The following NEGR1 variants were observed in gnomAD, a reference collection of about 807,000 sequenced individuals.
NEGR1 encodes IgLON family member 4.
Under a neutral mutation model 40.9 loss-of-function variants are expected in NEGR1, and 10 were observed. The observed-to-expected ratio is 0.24, with a 90% CI of 0.15 to 0.42. The LOEUF (loss-of-function observed/expected upper bound fraction) is 0.42. Among genes scored for constraint, NEGR1 ranks in the 10% least tolerant of loss-of-function variants. The probability of loss-of-function intolerance (pLI) is 1.00; values close to 1 mark genes in which losing one functional copy is unlikely to be tolerated. For synonymous variants in NEGR1, 185 were observed against 166.8 expected (o/e 1.11, Z -0.84); for missense variants, 352 against 438.9 (o/e 0.80, Z 1.77).
intron 2 of NEGR1, among the ~76,000 whole-genome samples, chr1:71,925,802 A>G (rs1010641399): frequency 6.6e-6 from 1 of 152,188 alleles, no homozygotes; most frequent in Non-Finnish European, 1.5e-5. Context: ...TTATTTCACC[A>G]GACATAGGTT....
intron 1 of NEGR1, among the ~76,000 whole-genome samples, chr1:72,031,747 C>T (rs1646860649): frequency 6.6e-6 from 1 of 152,038 alleles, no homozygotes; most frequent in Non-Finnish European, 1.5e-5. Flanking sequence ...CCCAGATGTA[C>T]ACAGAGGGGA....
chr1:72,139,627 T>C (rs1281273088), intron 1 of NEGR1, among the ~76,000 whole-genome samples: 4 of 151,926 alleles, frequency 2.6e-5, no homozygotes, highest in Non-Finnish European at 5.9e-5. Context: ...ACAAAGCACA[T>C]ACTGTAAAAA....
intron 1 of NEGR1, among the ~76,000 whole-genome samples, chr1:72,042,813 A>G (rs1646967854): frequency 6.6e-6 from 1 of 152,042 alleles, no homozygotes; most frequent in African/African-American, 2.4e-5. Context: ...AAATATTACC[A>G]GGATGCTTTT....
chr1:72,059,624 T>C (rs1011734814), intron 1 of NEGR1, among the ~76,000 whole-genome samples: 3 of 151,616 alleles, frequency 2.0e-5, no homozygotes, highest in African/African-American at 7.2e-5. Flanking sequence ...TAAAGAGATT[T>C]TAATAGTTTA....
At chr1:71,898,799 G>A (rs1277888041) in intron 2 of NEGR1, among the ~76,000 whole-genome samples, 2 of 146,902 alleles carry the variant, frequency 1.4e-5, no homozygotes, top group African/African-American at 5.0e-5. Context: ...AACAGAGCAA[G>A]TATATGTATA....
intron 1 of NEGR1, among the ~76,000 whole-genome samples, chr1:72,049,748 C>T (rs1357617479): frequency 1.3e-5 from 2 of 151,516 alleles, no homozygotes; most frequent in African/African-American, 4.8e-5. Flanking sequence ...CCATTTTTTA[C>T]TCATCTTTGT....
chr1:71,538,958 T>C (rs1647598181), intron 6 of NEGR1, among the ~76,000 whole-genome samples: 1 of 151,732 alleles, frequency 6.6e-6, no homozygotes, highest in Admixed American at 6.6e-5. Flanking sequence ...TTATAATAGT[T>C]GGTTCAAATA....
At chr1:72,090,829 G>A (rs1411835065) in intron 1 of NEGR1, among the ~76,000 whole-genome samples, 1 of 152,054 alleles carries the variant, frequency 6.6e-6, no homozygotes, top group Non-Finnish European at 1.5e-5. Context: ...GTGCCCTCTA[G>A]ACCTAGTTTT....
In NEGR1 at chr1:72,271,199, G is replaced by A. The variant is rs116305881; in HGVS notation, c.176+11120C>T. 5.2e-3 allele frequency among the ~76,000 whole-genome samples: 787 copies of A among 151,942 alleles called. 3 individuals are homozygous for A. The highest frequency in any genetic ancestry group is 0.018 in the African/African-American group (759 of 41,490). ...TGCAAATAAGCAAAAGCAACTTCAC[G>A]TCTAGAATTAATAATTGTTGAACAA... On this transcript the variant is annotated intron_variant, in intron 1 of 6. Coordinates refer to ENST00000357731, the MANE Select transcript of NEGR1 (RefSeq NM_173808.3).
chr1:72,173,085 C>T (rs1011098878), intron 1 of NEGR1, among the ~76,000 whole-genome samples: 2 of 151,788 alleles, frequency 1.3e-5, no homozygotes, highest in South Asian at 2.1e-4. Flanking sequence ...TGGCTCACTG[C>T]AGCCTGGACC....
At chr1:72,097,599 C>T (rs1648751376) in intron 1 of NEGR1, among the ~76,000 whole-genome samples, 1 of 152,106 alleles carries the variant, frequency 6.6e-6, no homozygotes, top group Non-Finnish European at 1.5e-5. Flanking sequence ...AACCACTAAG[C>T]AAAATTTTAG....
At chr1:72,020,175 T>C (rs1014970158) in intron 1 of NEGR1, among the ~76,000 whole-genome samples, 1 of 152,176 alleles carries the variant, frequency 6.6e-6, no homozygotes, top group Non-Finnish European at 1.5e-5. Flanking sequence ...ATATTTGATA[T>C]ATGGGTTAGC....
At chr1:71,939,480 A>C (rs1645940097) in intron 1 of NEGR1, among the ~76,000 whole-genome samples, 1 of 152,170 alleles carries the variant, frequency 6.6e-6, no homozygotes, top group African/African-American at 2.4e-5. Context: ...TAATATGATA[A>C]AGTGTATCAA....
In NEGR1 at chr1:72,088,841, C is replaced by T. The variant is rs553799453; in HGVS notation, c.177-153530G>A. On this transcript the variant is annotated intron_variant, in intron 1 of 6. Coordinates refer to ENST00000357731, the MANE Select transcript of NEGR1 (RefSeq NM_173808.3). ...TTTTTTTTGAGACGGAATGGACTCTCACTCTGTCATCCAAACTGGAGTTCA... is the reference window on the plus strand; with the variant it reads ...TTTTTTTTGAGACGGAATGGACTCTTACTCTGTCATCCAAACTGGAGTTCA... 1.6e-3 allele frequency among the ~76,000 whole-genome samples: 180 copies of T among 115,128 alleles called. 1 individual carries two copies. Among genetic ancestry groups the T allele is most frequent in the African/African-American group, 5.7e-3 (174 of 30,606 alleles). 75.5% of individuals were successfully genotyped at this position (115,128 alleles called of 152,430 possible). A position where few individuals can be genotyped will look rare whatever the true frequency, so the allele number is the denominator to read the frequency against.
chr1:71,522,237 A>G (rs1250931796), intron 6 of NEGR1, among the ~76,000 whole-genome samples: 2 of 152,020 alleles, frequency 1.3e-5, no homozygotes, highest in African/African-American at 4.8e-5. Flanking sequence ...GAAGCCCAGT[A>G]TGTAGCACAT....
At chr1:71,417,495 TC>T (rs1646364039) in intron 6 of NEGR1, among the ~76,000 whole-genome samples, 1 of 152,178 alleles carries the variant, frequency 6.6e-6, no homozygotes, top group Non-Finnish European at 1.5e-5. Context: ...CTTGGATGTC[TC>T]TCAAGACATC....
At chr1:71,443,289 C>T (rs1364383698) in intron 6 of NEGR1, among the ~76,000 whole-genome samples, 1 of 152,124 alleles carries the variant, frequency 6.6e-6, no homozygotes, top group Non-Finnish European at 1.5e-5. Context: ...TATCAGGAAG[C>T]CTTTGTTGAC....
intron 6 of NEGR1, among the ~76,000 whole-genome samples, chr1:71,456,155 A>G (rs1225616767): frequency 6.6e-6 from 1 of 152,228 alleles, no homozygotes; most frequent in Non-Finnish European, 1.5e-5. Context: ...AGGTACAACA[A>G]AGAGATATGT....
chr1:71,421,174 T>C (rs747299653), intron 6 of NEGR1, among the ~76,000 whole-genome samples: 5 of 152,064 alleles, frequency 3.3e-5, no homozygotes, highest in Non-Finnish European at 5.9e-5. Flanking sequence ...AAATCTCTTA[T>C]GAATGGCTAA....
Sources: gnomAD v4.1 joint callset for allele counts (sites outside exome capture counted in the v4.1 genomes callset) on GRCh38, gnomAD v4.1.1 for gene constraint, MANE v1.5 for transcripts, NCBI Gene and HGNC (gene_info 2026-07-23, HGNC 2026-07-21) for gene names.